EML1: variants seen among roughly 807,000 people sequenced by gnomAD.
EML1 encodes echinoderm microtubule-associated protein-like 1.
A neutral mutation model predicts 110.4 loss-of-function variants in EML1; 27 were observed. The ratio of observed to expected loss-of-function variants is 0.24; its 90% CI spans 0.18 to 0.34. EML1 has a LOEUF of 0.34. Among genes scored for constraint, EML1 ranks in the 10% least tolerant of loss-of-function variants. The pLI is 1.00. For synonymous variants in EML1, 344 were observed against 385.8 expected (o/e 0.89, Z 1.27); for missense variants, 741 against 1,030.9 (o/e 0.72, Z 3.85).
At chr14:99,739,136 G>A (rs1277086302) in intron 1 of EML1, among the ~76,000 whole-genome samples, 1 of 150,680 alleles carries the variant, frequency 6.6e-6, no homozygotes, top group African/African-American at 2.4e-5. Context: ...GTGTGTGTGT[G>A]TGTGTGTGTG....
chr14:99,856,701 A>G (rs1458129521), intron 2 of EML1, among the ~76,000 whole-genome samples: 1 of 152,192 alleles, frequency 6.6e-6, no homozygotes, highest in Non-Finnish European at 1.5e-5. Context: ...GTAGTGATTT[A>G]TAGAAAAGGG....
At chr14:99,832,054 C>T (rs978748316) in intron 1 of EML1, among the ~76,000 whole-genome samples, 1 of 152,096 alleles carries the variant, frequency 6.6e-6, no homozygotes, top group African/African-American at 2.4e-5. Context: ...CCTCCCTGCC[C>T]CCCTCCACTC....
Position 99,777,642 on chromosome 14 carries a change from A to G in EML1, c.-27+3629A>G, listed in dbSNP as rs184749745. 2.0e-3 allele frequency among the ~76,000 whole-genome samples: 309 copies of G among 150,844 alleles called. 4 individuals are homozygous for G. The highest frequency in any genetic ancestry group is 7.3e-3 in the African/African-American group (299 of 40,976). ...ACCACGTTGGCCAGGCTTGTCTCAA[A>G]CTCCTGACCTCAAGCAATCCGCCCG... On this transcript the variant is annotated intron_variant, in intron 1 of 22. Coordinates refer to the EML1 transcript ENST00000327921.
intron 9 of EML1, among the ~76,000 whole-genome samples, chr14:99,906,628 T>A: frequency 6.6e-6 from 1 of 152,170 alleles, no homozygotes; most frequent in East Asian, 1.9e-4. Flanking sequence ...CAACCTCCTA[T>A]CTCATTCTGT....
chr14:99,889,064 C>T (rs953193725), intron 4 of EML1, among the ~76,000 whole-genome samples: 4 of 152,170 alleles, frequency 2.6e-5, no homozygotes, highest in South Asian at 4.1e-4. Flanking sequence ...AGCCGAGAGA[C>T]GTTCTCCACG....
At chr14:99,830,117 C>A (rs1464036280) in intron 1 of EML1, among the ~76,000 whole-genome samples, 1 of 152,192 alleles carries the variant, frequency 6.6e-6, no homozygotes, top group Admixed American at 6.5e-5. Flanking sequence ...ACCAGCAGTG[C>A]AAGAGGGTTC....
chr14:99,840,938 T>C (rs2058622558), intron 1 of EML1, among the ~76,000 whole-genome samples: 1 of 152,214 alleles, frequency 6.6e-6, no homozygotes, highest in Admixed American at 6.5e-5. Flanking sequence ...TGAGGACCTA[T>C]GGTAAAAGCA....
intron 1 of EML1, among the ~76,000 whole-genome samples, chr14:99,824,769 C>T (rs1021057951): frequency 6.6e-6 from 1 of 152,012 alleles, no homozygotes; most frequent in African/African-American, 2.4e-5. Flanking sequence ...CAATCCTCCC[C>T]CCTCCTACCC....
rs945973602 is a variant in EML1, at chr14:99,784,012, A to G, written c.-27+9999A>G. Among the ~76,000 whole-genome samples the G allele has an allele frequency of 3.9e-5, 6 of 152,256 alleles. No homozygotes were observed. The highest frequency in any genetic ancestry group is 7.3e-5 in the Non-Finnish European group (5 of 68,042). On this transcript the variant is annotated intron_variant, in intron 1 of 22. Coordinates refer to the EML1 transcript ENST00000327921. This position sits in a 1 kb window ranked among gnomAD's most constrained non-coding sequence, Gnocchi z 4.5. ...TGCTACGGTTGGAAATTCATTTGCAATCTACTGCGGTGCCCGCACTATTGC... is the reference window on the plus strand; with the variant it reads ...TGCTACGGTTGGAAATTCATTTGCAGTCTACTGCGGTGCCCGCACTATTGC...
At chr14:99,778,109 C>T (rs1351880709) in intron 1 of EML1, among the ~76,000 whole-genome samples, 1 of 152,172 alleles carries the variant, frequency 6.6e-6, no homozygotes, top group Non-Finnish European at 1.5e-5. Context: ...AGGTCTGGGC[C>T]AGGCATTTTT....
intron 1 of EML1, among the ~76,000 whole-genome samples, chr14:99,740,004 A>G (rs1223985771): frequency 2.6e-5 from 4 of 152,140 alleles, no homozygotes; most frequent in Non-Finnish European, 5.9e-5. Flanking sequence ...TAACTCCTCA[A>G]CGTGCACTAA....
At chr14:99,838,912 C>T (rs368770913) in intron 1 of EML1, 1 of 46,364 alleles carries the variant, frequency 2.2e-5, no homozygotes, top group South Asian at 8.2e-4. Context: ...GGAGTGCGCG[C>T]GCGCGCGTGT....
At chr14:99,916,557 T>C (rs1271666483) in intron 15 of EML1, among the ~76,000 whole-genome samples, 1 of 152,180 alleles carries the variant, frequency 6.6e-6, no homozygotes, top group Non-Finnish European at 1.5e-5. Context: ...CTAAAACACA[T>C]GTTCAATCAT....
At chr14:99,892,114 A>G in intron 5 of EML1, 1 of 985,314 alleles carries the variant, frequency 1.0e-6, no homozygotes, top group Non-Finnish European at 1.2e-6. Flanking sequence ...CCACACTTGC[A>G]GTACTCCACC....
At chr14:99,847,943 A>T (rs66869728) in intron 1 of EML1, among the ~76,000 whole-genome samples, 38,051 of 150,716 alleles carry the variant, frequency 0.25, 5,193 homozygotes, top group Non-Finnish European at 0.3. Context: ...TTGCTTTTTT[A>T]AAAAAAAAAT....
At chr14:99,908,405 A>G (rs1234227580) in intron 10 of EML1, among the ~76,000 whole-genome samples, 1 of 152,192 alleles carries the variant, frequency 6.6e-6, no homozygotes, top group Non-Finnish European at 1.5e-5. Context: ...CTTTGCATCT[A>G]TTAACCTTAG....
At chr14:99,885,411 C>T (rs2059456242) in intron 4 of EML1, among the ~76,000 whole-genome samples, 1 of 152,094 alleles carries the variant, frequency 6.6e-6, no homozygotes, top group African/African-American at 2.4e-5. Context: ...GAAAAGATAC[C>T]ATAAAAATAC....
rs188976097 is a variant in EML1 at position 99,888,072 on chromosome 14, G to A, written c.519-3127G>A. Among the ~76,000 whole-genome samples the A allele has an allele frequency of 1.7e-4, 26 of 152,218 alleles. No individual in the cohort carries two copies. In the East Asian group the frequency reaches 4.8e-3, roughly 28 times the overall value. On this transcript the variant is annotated intron_variant, in intron 4 of 21. Coordinates refer to ENST00000262233, the MANE Select transcript of EML1 (RefSeq NM_004434.3). ...CAACTTTCTAAAATAATAAAATGTA[G>A]CAGTAGTATATTTTCTAAATACAGC...
rs1186228335 is a variant in EML1 at position 99,928,215 on chromosome 14, A to ATGGTGG, written c.1909+7366_1909+7371dup. ...GGTGGTGGTGGTGGTGGTGATGGTG[A>ATGGTGG]TGGTGGTGGTGGTGGTGGTGGTGGT... On this transcript the variant is annotated intron_variant, in intron 17 of 21. Transcript: ENST00000262233. Among the ~76,000 whole-genome samples, 4 of 3,362 alleles carry ATGGTGG rather than the reference A, an allele frequency of 1.2e-3. No individual in the cohort carries two copies. The East Asian group carries it at 0.032, about 27-fold the overall frequency. The allele number at this position is 3,362 out of a possible 152,430, so 2.2% of individuals were successfully genotyped here.
Sources: gnomAD v4.1 joint callset for allele counts (sites outside exome capture counted in the v4.1 genomes callset) on GRCh38, gnomAD v4.1.1 for gene constraint, Gnocchi (gnomAD v3.1) non-coding constraint, MANE v1.5 for transcripts, NCBI Gene and HGNC (gene_info 2026-07-23, HGNC 2026-07-21) for gene names.